Variants in RASGRF2 observed in about 807,000 individuals in gnomAD.
The protein encoded by RASGRF2 is ras-specific guanine nucleotide-releasing factor 2.
A neutral mutation model predicts 151.0 loss-of-function variants in RASGRF2; 76 were observed. The observed-to-expected ratio is 0.50, with a 90% CI of 0.42 to 0.61. The LOEUF (loss-of-function observed/expected upper bound fraction) is 0.61, where lower values mean the gene tolerates loss of function less well. Among genes scored for constraint, RASGRF2 ranks in the 20% least tolerant of loss-of-function variants. The probability of loss-of-function intolerance (pLI) is 0.00; values close to 1 mark genes in which losing one functional copy is unlikely to be tolerated. For synonymous variants in RASGRF2, 504 were observed against 566.5 expected (o/e 0.89, Z 1.57); for missense variants, 1,148 against 1,564.6 (o/e 0.73, Z 4.49).
At chr5:80,973,068 C>T (rs1332125965) in intron 1 of RASGRF2, among the ~76,000 whole-genome samples, 2 of 152,106 alleles carry the variant, frequency 1.3e-5, no homozygotes, top group Non-Finnish European at 2.9e-5. Flanking sequence ...TAAGTTATCT[C>T]TTTTTCTTTA....
rs761464961 is a variant in RASGRF2, at chr5:81,042,845, A to G, written c.289-32A>G. The G allele has an allele frequency of 3.4e-6, 5 of 1,480,682 alleles. No homozygotes were observed. The East Asian group carries it at 9.2e-5, about 27-fold the overall frequency. 91.7% of individuals were successfully genotyped at this position (1,480,682 alleles called of 1,614,324 possible). A position where few individuals can be genotyped will look rare whatever the true frequency, so the allele number is the denominator to read the frequency against. ...TATGCTGTTGTGCTTGAAAAATAGA[A>G]CTAAGTTTTTTGTGTTTCTTTTTCT... On this transcript the variant is annotated intron_variant, in intron 1 of 26. Coordinates refer to ENST00000265080, the MANE Select transcript of RASGRF2 (RefSeq NM_006909.3).
rs758608687 is a variant in RASGRF2 at position 81,113,531 on chromosome 5, T to A, written c.2088-7T>A. 3 of 1,602,878 alleles carry A rather than the reference T, an allele frequency of 1.9e-6. No individual in the cohort carries two copies. The highest frequency in any genetic ancestry group is 2.6e-6 in the Non-Finnish European group (3 of 1,170,788). ...AATCTCTTAGCCACTTTTGCTCTCATTTTTAGGTCATTGGAATTGTTTTTT... is the reference window on the plus strand; with the variant it reads ...AATCTCTTAGCCACTTTTGCTCTCAATTTTAGGTCATTGGAATTGTTTTTT... On this transcript the variant is annotated splice_region_variant and splice_polypyrimidine_tract_variant and intron_variant, in intron 14 of 26. Transcript: ENST00000265080.
chr5:80,963,723 A>G (rs1201579167), intron 1 of RASGRF2, among the ~76,000 whole-genome samples: 1 of 152,240 alleles, frequency 6.6e-6, no homozygotes, highest in Non-Finnish European at 1.5e-5. Flanking sequence ...GTGCAAACCT[A>G]TAGTAACATC....
intron 2 of RASGRF2, among the ~76,000 whole-genome samples, chr5:81,056,548 C>A: frequency 6.6e-6 from 1 of 152,092 alleles, no homozygotes; most frequent in East Asian, 1.9e-4. Context: ...TTACTTCCAA[C>A]TATGTGGTCA....
At chr5:81,152,804 A>G (rs1323673638) in intron 17 of RASGRF2, among the ~76,000 whole-genome samples, 1 of 152,210 alleles carries the variant, frequency 6.6e-6, no homozygotes, top group African/African-American at 2.4e-5. Context: ...TGTCTATGGC[A>G]TTTTAGCCTG....
At chr5:81,094,385 G>A (rs1271783349) in intron 11 of RASGRF2, 23 bp downstream of exon 11, 1 of 1,599,198 alleles carries the variant, frequency 6.3e-7, no homozygotes, top group South Asian at 1.1e-5. Context: ...CGATCACTTA[G>A]GATTCTATTA....
intron 1 of RASGRF2, among the ~76,000 whole-genome samples, chr5:81,001,888 T>C (rs484155): frequency 0.32 from 49,189 of 152,040 alleles, 8,365 homozygotes; most frequent in South Asian, 0.47. Context: ...GAATTCTGGG[T>C]TTCTCCTCAT....
chr5:81,018,176 G>T (rs926617489), intron 1 of RASGRF2, among the ~76,000 whole-genome samples: 1 of 152,110 alleles, frequency 6.6e-6, no homozygotes, highest in Non-Finnish European at 1.5e-5. Flanking sequence ...TCTTCAGTTG[G>T]TGCCCCACCA....
At chr5:81,221,489 G>A (rs1403944476) in intron 26 of RASGRF2, among the ~76,000 whole-genome samples, 2 of 152,132 alleles carry the variant, frequency 1.3e-5, no homozygotes, top group Admixed American at 1.3e-4. Flanking sequence ...TGACCTCTTT[G>A]TCATACCCCA....
intron 1 of RASGRF2, among the ~76,000 whole-genome samples, chr5:80,990,448 C>G (rs367977491): frequency 3.3e-5 from 5 of 152,088 alleles, no homozygotes; most frequent in African/African-American, 1.2e-4. Flanking sequence ...CGGGAGGGGG[C>G]TCCAGGAAGA....
intron 1 of RASGRF2, among the ~76,000 whole-genome samples, chr5:81,034,832 G>A (rs891347035): frequency 1.4e-4 from 21 of 149,658 alleles, no homozygotes; most frequent in African/African-American, 5.2e-4. Context: ...AGCATTGGGA[G>A]ATATACCTAA....
At chr5:80,969,090 C>A (rs1427878302) in intron 1 of RASGRF2, among the ~76,000 whole-genome samples, 1 of 147,410 alleles carries the variant, frequency 6.8e-6, no homozygotes, top group Admixed American at 6.8e-5. Flanking sequence ...GATCTTCTTT[C>A]CATTTACCCA....
intron 1 of RASGRF2, among the ~76,000 whole-genome samples, chr5:80,969,673 G>C (rs13358275): frequency 3.3e-5 from 5 of 150,780 alleles, no homozygotes; most frequent in African/African-American, 9.8e-5. Context: ...GGATGATCTC[G>C]ATCTCCTGAC....
chr5:81,010,180 G>T (rs1417064019), intron 1 of RASGRF2, among the ~76,000 whole-genome samples: 1 of 151,506 alleles, frequency 6.6e-6, no homozygotes, highest in Non-Finnish European at 1.5e-5. Context: ...AAAGAAAATA[G>T]ATTTGAGAGC....
Position 80,960,903 on chromosome 5 carries a change from G to A in RASGRF2, c.165G>A (p.Glu55=). 1 of 1,607,910 alleles carries A rather than the reference G, an allele frequency of 6.2e-7. No homozygotes were observed. Among genetic ancestry groups the A allele is most frequent in the Non-Finnish European group, 8.5e-7 (1 of 1,175,580 alleles). ...ALYQNVLFYF[E]GEQSCRPAGM... ...ACCAGAATGTGCTCTTCTACTTCGAGGGCGAGCAGAGCTGCCGCCCGGCGG... is the reference window on the plus strand; with the variant it reads ...ACCAGAATGTGCTCTTCTACTTCGAAGGCGAGCAGAGCTGCCGCCCGGCGG... Residue 55 remains glutamate, a synonymous_variant, in exon 1 of 27, where the codon GAG becomes GAA. Coordinates refer to ENST00000265080, the MANE Select transcript of RASGRF2 (RefSeq NM_006909.3). The surrounding 1 kb of genome is among the most constrained non-coding windows in gnomAD (Gnocchi z 5.5).
chr5:81,201,998 T>C (rs986580976), intron 19 of RASGRF2, among the ~76,000 whole-genome samples: 2 of 152,274 alleles, frequency 1.3e-5, no homozygotes, highest in South Asian at 4.1e-4. Context: ...AAGGTATGAC[T>C]CCACACTTCT....
chr5:80,992,183 T>A (rs2406187), intron 1 of RASGRF2, among the ~76,000 whole-genome samples: 1 of 140,346 alleles, frequency 7.1e-6, no homozygotes, highest in East Asian at 2.0e-4. Context: ...CACACACAGA[T>A]ACACACACAC....
intron 2 of RASGRF2, among the ~76,000 whole-genome samples, chr5:81,044,414 T>C (rs1163178734): frequency 3.3e-5 from 5 of 151,942 alleles, no homozygotes; most frequent in South Asian, 2.1e-4. Flanking sequence ...CAAGACTCCA[T>C]CTAAAAAAAA....
intron 17 of RASGRF2, among the ~76,000 whole-genome samples, chr5:81,129,670 T>G (rs1012764343): frequency 3.9e-5 from 6 of 152,322 alleles, no homozygotes; most frequent in South Asian, 2.1e-4. Flanking sequence ...TATGATTGAT[T>G]ACCTTCTGTA....
Sources: gnomAD v4.1 joint callset for allele counts (sites outside exome capture counted in the v4.1 genomes callset) on GRCh38, gnomAD v4.1.1 for gene constraint, Gnocchi (gnomAD v3.1) non-coding constraint, MANE v1.5 for transcripts, NCBI Gene and HGNC (gene_info 2026-07-23, HGNC 2026-07-21) for gene names.